Variants in TMEM72 observed in about 807,000 individuals in gnomAD.
TMEM72 encodes transmembrane protein 72.
TMEM72 carries 9 observed loss-of-function variants against 16.3 expected under a neutral mutation model. The observed-to-expected ratio is 0.55, with a 90% CI of 0.33 to 0.96. The LOEUF (loss-of-function observed/expected upper bound fraction) is 0.96. TMEM72 is among the 40% of genes least tolerant of loss of function. The pLI is 0.03. For missense variants in TMEM72, 324 were observed against 337.8 expected (o/e 0.96, Z 0.32); for synonymous variants, 160 against 146.5 (o/e 1.09, Z -0.66).
intron 2 of TMEM72, among the ~76,000 whole-genome samples, chr10:44,931,508 G>C (rs1478502387): frequency 6.6e-6 from 1 of 152,048 alleles, no homozygotes; most frequent in African/African-American, 2.4e-5. Flanking sequence ...AGGGGTCCAG[G>C]GGGCAGGGCC....
At chr10:44,927,671 G>C (rs1405115190) in intron 1 of TMEM72, among the ~76,000 whole-genome samples, 2 of 152,206 alleles carry the variant, frequency 1.3e-5, no homozygotes, top group East Asian at 3.9e-4. Context: ...GGGCACTAAG[G>C]GTGGCTGCTC....
intron 4 of TMEM72, among the ~76,000 whole-genome samples, chr10:44,934,246 A>T (rs188729302): frequency 1.4e-4 from 21 of 152,256 alleles, no homozygotes; most frequent in Admixed American, 1.3e-3. Flanking sequence ...ACCACTGGCC[A>T]GCTGGTTTCT....
chr10:44,923,278 C>A (rs1451336401), intron 1 of TMEM72: 1 of 152,084 alleles, frequency 6.6e-6, no homozygotes, highest in African/African-American at 2.4e-5. Context: ...CAATGCTGAA[C>A]CAGCTGGGGC....
At chr10:44,926,476 C>T (rs1032060372) in intron 1 of TMEM72, among the ~76,000 whole-genome samples, 10 of 152,222 alleles carry the variant, frequency 6.6e-5, no homozygotes, top group African/African-American at 2.4e-4. Context: ...GGTGTGGAAG[C>T]TCTGAAGTGC....
chr10:44,934,945 C>T lies in TMEM72; in HGVS notation c.639C>T (p.Ala213=), dbSNP rs76157523. 1.7e-4 allele frequency: 267 copies of T among 1,613,898 alleles called. 1 individual carries two copies. The East Asian group carries it at 5.7e-3, about 34-fold the overall frequency. Residue 213 remains alanine (A), a synonymous_variant, in exon 5 of 5, where the codon GCC becomes GCT. Transcript: ENST00000389583. ...TGATGGAGCTGAGCCTGGAGCCAGC[C>T]GACTCCCTGGCCAAGAAGAAGCAGG... ...NTLMELSLEP[A]DSLAKKKQVH... is the part of the protein sequence containing the mutation.
At chr10:44,914,236 G>A (rs375284333) in intron 1 of TMEM72, among the ~76,000 whole-genome samples, 21 of 152,194 alleles carry the variant, frequency 1.4e-4, no homozygotes, top group African/African-American at 4.3e-4. Flanking sequence ...GAGCACAGAC[G>A]GATCATTGCC....
chr10:44,934,809 C>A lies in TMEM72; in HGVS notation c.503C>A (p.Thr168Asn), dbSNP rs764886732. The A allele has an allele frequency of 6.2e-7, 1 of 1,613,664 alleles. No homozygotes were observed. Among genetic ancestry groups the A allele is most frequent in the Non-Finnish European group, 8.5e-7 (1 of 1,180,018 alleles). ...ACCGGCTCTGGGGACACAGAGCAAA[C>A]CTACACTTTCCATGGGGCCCTCAAG... ...STTGSGDTEQTYTFHGALKEG... is the reference protein window; with the variant it reads ...STTGSGDTEQNYTFHGALKEG... Residue 168 changes from threonine to asparagine, a missense_variant, in exon 5 of 5, where the codon ACC becomes AAC. Transcript: ENST00000389583.
chr10:44,919,662 G>C (rs1840063179), intron 1 of TMEM72, among the ~76,000 whole-genome samples: 1 of 152,202 alleles, frequency 6.6e-6, no homozygotes, highest in Non-Finnish European at 1.5e-5. Flanking sequence ...GATGCATCTT[G>C]TTGATGGGTC....
At chr10:44,932,489 G>C (rs948215337) in intron 3 of TMEM72, among the ~76,000 whole-genome samples, 1 of 152,200 alleles carries the variant, frequency 6.6e-6, no homozygotes, top group African/African-American at 2.4e-5. Context: ...GGGCAAGTCA[G>C]GGGCAGTATG....
rs1244557289 is a variant in TMEM72, at chr10:44,936,524, C to T, written c.*1390C>T. 1 of 152,248 alleles carries T rather than the reference C, an allele frequency of 6.6e-6. No individual in the cohort carries two copies. Among genetic ancestry groups the T allele is most frequent in the Non-Finnish European group, 1.5e-5 (1 of 68,048 alleles). The allele number at this position is 152,248 out of a possible 1,614,324, so 9.4% of individuals were successfully genotyped here. On this transcript the variant is annotated 3_prime_UTR_variant, in exon 5 of 5. Coordinates refer to ENST00000389583, the MANE Select transcript of TMEM72 (RefSeq NM_001123376.3). The stretch of plus-strand genomic sequence containing the variant: ...TCCTGATAAGCAGATAAGCAGAGCT[C>T]TTCCTGCAGTAGCCCAGGTCTCACC...
Position 44,936,099 on chromosome 10 carries a change from A to G in TMEM72, c.*965A>G, listed in dbSNP as rs1222287824. ...TGGGCAGGCAGGCAAGTTCTCTGCC[A>G]TGGGGCCACGGAAGTGACAGTTAAC... On this transcript the variant is annotated 3_prime_UTR_variant, in exon 5 of 5. Coordinates refer to ENST00000389583, the MANE Select transcript of TMEM72 (RefSeq NM_001123376.3). 6.6e-6 allele frequency: 1 copy of G among 152,280 alleles called. No individual in the cohort carries two copies. Among genetic ancestry groups the G allele is most frequent in the Non-Finnish European group, 1.5e-5 (1 of 68,048 alleles). The allele number at this position is 152,280 out of a possible 1,614,324, so 9.4% of individuals were successfully genotyped here. A position where few individuals can be genotyped will look rare whatever the true frequency, so the allele number is the denominator to read the frequency against.
At chr10:44,914,382 C>G (rs1055939852) in intron 1 of TMEM72, among the ~76,000 whole-genome samples, 2 of 152,194 alleles carry the variant, frequency 1.3e-5, no homozygotes, top group Non-Finnish European at 2.9e-5. Flanking sequence ...TTGTTTACAC[C>G]GGGTTCATTT....
chr10:44,927,917 T>C lies in TMEM72; in HGVS notation c.71-4T>C, dbSNP rs761126862. 7.4e-6 allele frequency: 12 copies of C among 1,613,904 alleles called. No homozygotes were observed. Among genetic ancestry groups the C allele is most frequent in the Non-Finnish European group, 1.0e-5 (12 of 1,179,948 alleles). ...CCACTCTTCCTTCTTCTCTTGCCCC[T>C]TAGTGTTGATCGGCGTGGGCACTGA... On this transcript the variant is annotated splice_region_variant and splice_polypyrimidine_tract_variant and intron_variant, in intron 1 of 4. Transcript: ENST00000389583.
At chr10:44,933,828 C>A (rs769975982) in intron 4 of TMEM72, 52 bp downstream of exon 4, 112 of 1,545,384 alleles carry the variant, frequency 7.2e-5, no homozygotes, top group Non-Finnish European at 8.7e-5. Flanking sequence ...GGACTCTGAG[C>A]AGGAGGAGCT....
Position 44,935,011 on chromosome 10 carries a change from C to G in TMEM72, c.705C>G (p.Leu235=). Residue 235 remains leucine, a synonymous_variant, in exon 5 of 5, where the codon CTC becomes CTG. Coordinates refer to ENST00000389583, the MANE Select transcript of TMEM72 (RefSeq NM_001123376.3). The part of the protein sequence containing the change: ...EDNLVRIVPS[L]AEGLDDGDSE... ...ACTTGGTCCGCATAGTCCCCTCCCT[C>G]GCCGAAGGTCTGGATGATGGGGACA... 1 of 1,614,000 alleles carries G rather than the reference C, an allele frequency of 6.2e-7. No individual in the cohort carries two copies. The highest frequency in any genetic ancestry group is 8.5e-7 in the Non-Finnish European group (1 of 1,179,914).
Position 44,936,354 on chromosome 10 carries a change from A to G in TMEM72, c.*1220A>G, listed in dbSNP as rs901830794. ...CGCAAAGCTCTGTAGAACAAGCCTT[A>G]GAGTGCATGCTCTATGGTCTAATGA... On this transcript the variant is annotated 3_prime_UTR_variant, in exon 5 of 5. Coordinates refer to ENST00000389583, the MANE Select transcript of TMEM72 (RefSeq NM_001123376.3). The G allele has an allele frequency of 6.6e-6, 1 of 152,240 alleles. No homozygotes were observed. Among genetic ancestry groups the G allele is most frequent in the Non-Finnish European group, 1.5e-5 (1 of 68,048 alleles). 9.4% of individuals were successfully genotyped at this position (152,240 alleles called of 1,614,324 possible).
chr10:44,911,560 C>T lies in TMEM72; in HGVS notation c.48C>T (p.Leu16=), dbSNP rs1360791081. 6.4e-6 allele frequency: 10 copies of T among 1,551,144 alleles called. No homozygotes were observed. The highest frequency in any genetic ancestry group is 2.7e-5 in the African/African-American group (2 of 73,162). ...FWTGLEYTCR[L]LGITTAAVLI... ...CTGGGCTGGAATACACCTGCCGGCTCCTGGGCATCACCACTGCTGCAGGTA... is the reference window on the plus strand; with the variant it reads ...CTGGGCTGGAATACACCTGCCGGCTTCTGGGCATCACCACTGCTGCAGGTA... Residue 16 remains leucine (L), a synonymous_variant, in exon 1 of 5, where the codon CTC becomes CTT. Transcript: ENST00000389583.
chr10:44,930,573 GA>G (rs1260440570), intron 2 of TMEM72, among the ~76,000 whole-genome samples: 1 of 152,146 alleles, frequency 6.6e-6, no homozygotes, highest in East Asian at 1.9e-4. Flanking sequence ...AAGGCCTTTA[GA>G]ATTATGCCTG....
At chr10:44,929,938 C>T (rs1249449169) in intron 2 of TMEM72, among the ~76,000 whole-genome samples, 1 of 152,258 alleles carries the variant, frequency 6.6e-6, no homozygotes, top group South Asian at 2.1e-4. Flanking sequence ...TCTGAACACC[C>T]TCCGTGTCTA....
Sources: allele counts gnomAD v4.1 joint callset (sites outside exome capture counted in the v4.1 genomes callset), GRCh38; gene constraint gnomAD v4.1.1; transcripts MANE v1.5; gene names NCBI Gene and HGNC (gene_info 2026-07-23, HGNC 2026-07-21).